Variants in STIMATE observed in about 807,000 individuals in gnomAD.
STIMATE encodes the protein store-operated calcium entry regulator STIMATE.
In STIMATE, 15 loss-of-function variants were observed where a neutral mutation model predicts 36.7. That is an observed-to-expected ratio of 0.41 (90% confidence interval 0.27 to 0.63). STIMATE has a LOEUF of 0.63. STIMATE is among the 20% of genes least tolerant of loss of function. STIMATE has a pLI of 0.32. For missense variants in STIMATE, 305 were observed against 397.3 expected, an observed-to-expected ratio of 0.77 and a Z score of 1.98; for synonymous variants, 163 against 162.3, an observed-to-expected ratio of 1.00 and a Z score of -0.03.
At chr3:52,846,166 G>C (rs1700896047) in intron 4 of STIMATE, among the ~76,000 whole-genome samples, 1 of 152,178 alleles carries the variant, frequency 6.6e-6, no homozygotes, top group Non-Finnish European at 1.5e-5. Flanking sequence ...CCCTTTTCTG[G>C]AAAACCCTGG....
rs762718762 is a variant in STIMATE at position 52,844,892 on chromosome 3, G to A, written c.477C>T (p.Ile159=). ...GAWVGQCALY[I]VIMIFEKSVV... The stretch of plus-strand genomic sequence containing the variant: ...CAGACTTTTCAAAAATCATGATCAC[G>A]ATGTAAAGAGCGCACTGCCCGACCC... The change falls in exon 5 of 8, where the codon ATC becomes ATT. Residue 159 remains isoleucine, a synonymous_variant. Transcript: ENST00000355083. The A allele has an allele frequency of 1.5e-5, 25 of 1,613,964 alleles. No individual in the cohort carries two copies. The highest frequency in any genetic ancestry group is 3.3e-4 in the Middle Eastern group (2 of 6,084).
At chr3:52,892,671 T>C (rs11713324) in intron 1 of STIMATE, among the ~76,000 whole-genome samples, 16,929 of 152,208 alleles carry the variant, frequency 0.11, 990 homozygotes, top group Non-Finnish European at 0.13. Context: ...AACAGAGTAT[T>C]CACATGATCT....
chr3:52,884,367 TCCCGAGTA>T (rs1701658632), intron 1 of STIMATE, among the ~76,000 whole-genome samples: 1 of 151,570 alleles, frequency 6.6e-6, no homozygotes, highest in Non-Finnish European at 1.5e-5. Flanking sequence ...TGCCTCAGCC[TCCCGAGTA>T]CCTGGGACAA....
At chr3:52,857,818 G>A (rs1701134116) in intron 1 of STIMATE, among the ~76,000 whole-genome samples, 1 of 151,818 alleles carries the variant, frequency 6.6e-6, no homozygotes, top group African/African-American at 2.4e-5. Flanking sequence ...GCTGAATTGT[G>A]CCCCCACCTC....
intron 7 of STIMATE, chr3:52,841,756 G>A (rs62253561): frequency 0.036 from 5,525 of 152,418 alleles, 150 homozygotes; most frequent in Non-Finnish European, 0.06. Context: ...AGCTCAGCCT[G>A]TGCCTCACTT....
Position 52,887,732 on chromosome 3 carries a change from T to C in STIMATE, c.160+9559A>G, listed in dbSNP as rs190520490. Among the ~76,000 whole-genome samples, 12 of 152,276 alleles carry C rather than the reference T, an allele frequency of 7.9e-5. No individual in the cohort carries two copies. The East Asian group carries it at 2.1e-3, about 27-fold the overall frequency. On this transcript the variant is annotated intron_variant, in intron 1 of 7. Coordinates refer to ENST00000355083, the MANE Select transcript of STIMATE (RefSeq NM_198563.5). ...TCCACACTAGCCTGGCCTGAGGACC[T>C]CCGTGACTGGGAGAATGAGATTTCA... is the stretch of plus-strand genomic sequence containing the variant.
chr3:52,842,755 C>A (rs1281684653), intron 7 of STIMATE, 56 bp downstream of exon 7: 1 of 1,608,846 alleles, frequency 6.2e-7, no homozygotes, highest in East Asian at 2.2e-5. Flanking sequence ...GACCAGAGAC[C>A]CCCTTGGGCC....
chr3:52,890,473 T>C (rs989399670), intron 1 of STIMATE, among the ~76,000 whole-genome samples: 1 of 152,238 alleles, frequency 6.6e-6, no homozygotes, highest in Non-Finnish European at 1.5e-5. Flanking sequence ...TTTTTGGTTG[T>C]CACAATGAGA....
chr3:52,856,105 G>A (rs1445990653), intron 1 of STIMATE, among the ~76,000 whole-genome samples: 1 of 152,228 alleles, frequency 6.6e-6, no homozygotes. Context: ...GGATCAGGGA[G>A]GGGAGAAAAG....
chr3:52,877,814 G>A (rs1701526194), intron 1 of STIMATE, among the ~76,000 whole-genome samples: 1 of 152,132 alleles, frequency 6.6e-6, no homozygotes, highest in African/African-American at 2.4e-5. Context: ...GGTAATCACT[G>A]GCCGGGTGTG....
intron 1 of STIMATE, chr3:52,895,846 G>C (rs1701855562): frequency 1.6e-6 from 2 of 1,268,418 alleles, no homozygotes; most frequent in African/African-American, 1.5e-5. Context: ...CTGGAGGACA[G>C]AGAAGTAGGA....
At chr3:52,852,489 G>A (rs773929515) in intron 3 of STIMATE, 114 bp downstream of exon 3, 34 of 1,317,672 alleles carry the variant, frequency 2.6e-5, no homozygotes, top group Non-Finnish European at 3.5e-5. Flanking sequence ...AGAGGAAAAG[G>A]GGAGCACCCT....
At chr3:52,886,700 T>C (rs745748878) in intron 1 of STIMATE, among the ~76,000 whole-genome samples, 7 of 152,220 alleles carry the variant, frequency 4.6e-5, no homozygotes, top group Non-Finnish European at 1.0e-4. Context: ...AATATCTCCC[T>C]GTAAATCAGT....
At chr3:52,847,100 G>A in intron 4 of STIMATE, 1 of 524,800 alleles carries the variant, frequency 1.9e-6, no homozygotes, top group Admixed American at 6.4e-5. Context: ...TGTAGAGACG[G>A]GATCTTGCTT....
chr3:52,888,194 G>C (rs911731454), intron 1 of STIMATE, among the ~76,000 whole-genome samples: 3 of 151,898 alleles, frequency 2.0e-5, no homozygotes, highest in African/African-American at 7.3e-5. Context: ...CCAGGGCTTG[G>C]ACTGAGGGTC....
chr3:52,886,732 T>G (rs547111001), intron 1 of STIMATE, among the ~76,000 whole-genome samples: 1 of 152,180 alleles, frequency 6.6e-6, no homozygotes, highest in South Asian at 2.1e-4. Flanking sequence ...AAGGGAAAAA[T>G]TGTAACTTCA....
At chr3:52,859,155 T>C (rs1430230303) in intron 1 of STIMATE, among the ~76,000 whole-genome samples, 1 of 136,546 alleles carries the variant, frequency 7.3e-6, no homozygotes, top group Non-Finnish European at 1.6e-5. Flanking sequence ...AGAGCGAGAC[T>C]CCATCTCAAA....
At chr3:52,842,079 T>C (rs1344634441) in intron 7 of STIMATE, among the ~76,000 whole-genome samples, 2 of 152,250 alleles carry the variant, frequency 1.3e-5, no homozygotes, top group East Asian at 3.8e-4. Flanking sequence ...TACGGTGTCA[T>C]GACGAAATAC....
At chr3:52,861,107 T>C (rs1179009678) in intron 1 of STIMATE, among the ~76,000 whole-genome samples, 1 of 152,190 alleles carries the variant, frequency 6.6e-6, no homozygotes, top group Non-Finnish European at 1.5e-5. Context: ...CCACCCTTTC[T>C]AACACATCCT....
Sources: allele counts gnomAD v4.1 joint callset (sites outside exome capture counted in the v4.1 genomes callset), GRCh38; gene constraint gnomAD v4.1.1; transcripts MANE v1.5; gene names NCBI Gene and HGNC (gene_info 2026-07-23, HGNC 2026-07-21).